CTNNA2: variants seen among roughly 807,000 people sequenced by gnomAD.
CTNNA2 encodes catenin alpha-2.
Under a neutral mutation model 101.0 loss-of-function variants are expected in CTNNA2, and 42 were observed. The observed-to-expected ratio is 0.42, with a 90% confidence interval of 0.32 to 0.54. The LOEUF (loss-of-function observed/expected upper bound fraction) is 0.54. CTNNA2 is among the 20% of genes least tolerant of loss of function. The pLI is 0.14. For synonymous variants in CTNNA2, 450 were observed against 456.4 expected, an observed-to-expected ratio of 0.99 and a Z score of 0.18; for missense variants, 871 against 1,223.1, an observed-to-expected ratio of 0.71 and a Z score of 4.29.
At chr2:80,557,049 G>A (rs1693104858) in intron 12 of CTNNA2, among the ~76,000 whole-genome samples, 1 of 152,188 alleles carries the variant, frequency 6.6e-6, no homozygotes. Context: ...GCCTGGAATA[G>A]CAAGTAAAAC....
At chr2:80,043,328 G>T (rs1280732867) in intron 7 of CTNNA2, among the ~76,000 whole-genome samples, 1 of 151,244 alleles carries the variant, frequency 6.6e-6, no homozygotes, top group Non-Finnish European at 1.5e-5. Flanking sequence ...CTCCTGAGTA[G>T]CTGGGACTAC....
Position 80,574,217 on chromosome 2 carries a change from A to G in CTNNA2, c.1796A>G (p.Asn599Ser). Residue 599 changes from asparagine to serine, a missense_variant, in exon 13 of 19, where the codon AAC (asparagine) becomes AGC (serine). Asn to Ser is a conservative substitution (Grantham distance 46). This residue lies in a region of CTNNA2 where 647 missense variants were observed against 831.5 expected (regional missense o/e 0.78). Transcript: ENST00000402739. ...VEVAIEALSANVPQPFEENEF... is the reference protein window; with the variant it reads ...VEVAIEALSASVPQPFEENEF... The stretch of plus-strand genomic sequence containing the variant: ...GTTGCCATTGAAGCCCTGAGTGCCA[A>G]CGTTCCTCAACCGTTTGAGGAGAAT... The G allele has an allele frequency of 4.3e-6, 7 of 1,613,764 alleles. No homozygotes were observed. The highest frequency in any genetic ancestry group is 5.9e-6 in the Non-Finnish European group (7 of 1,179,776).
At chr2:80,606,464 A>G (rs1037049575) in intron 16 of CTNNA2, among the ~76,000 whole-genome samples, 5 of 151,362 alleles carry the variant, frequency 3.3e-5, no homozygotes, top group African/African-American at 4.8e-5. Flanking sequence ...TTTAAATGCT[A>G]CTATTTCACA....
intron 15 of CTNNA2, 67 bp downstream of exon 15, chr2:80,589,552 G>C (rs906473440): frequency 6.9e-7 from 1 of 1,449,256 alleles, no homozygotes; most frequent in Admixed American, 2.2e-5. Context: ...GTGTGTATTA[G>C]CATGTGAAAG....
intron 2 of CTNNA2, among the ~76,000 whole-genome samples, chr2:79,255,586 G>T (rs1674834552): frequency 6.6e-6 from 1 of 152,134 alleles, no homozygotes; most frequent in Non-Finnish European, 1.5e-5. Context: ...GGTCGTGGAA[G>T]AATCAGGGGA....
At chr2:80,432,062 C>G in intron 9 of CTNNA2, among the ~76,000 whole-genome samples, 1 of 152,126 alleles carries the variant, frequency 6.6e-6, no homozygotes, top group East Asian at 1.9e-4. Context: ...AATATTACTT[C>G]AACATGAAAT....
intron 2 of CTNNA2, among the ~76,000 whole-genome samples, chr2:79,252,518 T>G (rs1394184646): frequency 6.6e-6 from 1 of 152,152 alleles, no homozygotes; most frequent in East Asian, 1.9e-4. Flanking sequence ...ATAACTTGAT[T>G]TAGGTATAAC....
intron 7 of CTNNA2, among the ~76,000 whole-genome samples, chr2:80,271,180 A>G (rs1044915940): frequency 6.6e-6 from 1 of 152,226 alleles, no homozygotes; most frequent in African/African-American, 2.4e-5. Context: ...TAATAGCAAT[A>G]AAGAGAGTCT....
At chr2:79,841,531 A>ATTT (rs1679813736) in intron 3 of CTNNA2, among the ~76,000 whole-genome samples, 1 of 152,232 alleles carries the variant, frequency 6.6e-6, no homozygotes, top group African/African-American at 2.4e-5. Flanking sequence ...TCATGGGATG[A>ATTT]AATATTAGTC....
rs141869725 is a variant in CTNNA2, at chr2:79,655,063, G to C, written c.102+3405G>C. On this transcript the variant is annotated intron_variant, in intron 2 of 18. Transcript: ENST00000402739. ...GTTGTGTTTTATAAAATATTGGTCT[G>C]TGAGATATTGGAATAATAAAAATGT... 3.4e-3 allele frequency among the ~76,000 whole-genome samples: 517 copies of C among 152,212 alleles called. 11 individuals carry two copies. The South Asian group carries it at 0.045, about 13-fold the overall frequency.
chr2:80,409,833 A>G (rs1022685847), intron 8 of CTNNA2, among the ~76,000 whole-genome samples: 4 of 152,180 alleles, frequency 2.6e-5, no homozygotes, highest in African/African-American at 9.7e-5. Context: ...GCATTTGTGT[A>G]GATTTTTCTT....
At chr2:79,358,599 G>T (rs921381108) in intron 3 of CTNNA2, among the ~76,000 whole-genome samples, 2 of 152,182 alleles carry the variant, frequency 1.3e-5, no homozygotes, top group African/African-American at 4.8e-5. Flanking sequence ...AACCTAAAAA[G>T]GAGGACATAC....
intron 3 of CTNNA2, among the ~76,000 whole-genome samples, chr2:79,786,970 G>A (rs1674893072): frequency 6.6e-6 from 1 of 151,760 alleles, no homozygotes; most frequent in Non-Finnish European, 1.5e-5. Context: ...CCCTGCCTTG[G>A]CATTATCTCC....
At chr2:79,463,884 A>C (rs1670904564) in intron 4 of CTNNA2, among the ~76,000 whole-genome samples, 1 of 152,166 alleles carries the variant, frequency 6.6e-6, no homozygotes. Context: ...TTCACTATAG[A>C]ATGGTAGAAA....
chr2:80,001,738 G>A (rs930465248), intron 7 of CTNNA2, among the ~76,000 whole-genome samples: 12 of 152,110 alleles, frequency 7.9e-5, no homozygotes, highest in African/African-American at 1.2e-4. Context: ...AAGAGGAGGC[G>A]GCCGGACACA....
intron 1 of CTNNA2, among the ~76,000 whole-genome samples, chr2:79,545,347 C>G (rs1673665702): frequency 6.6e-6 from 1 of 152,118 alleles, no homozygotes; most frequent in African/African-American, 2.4e-5. Flanking sequence ...GTAAGAGGAC[C>G]TAGGTTACAA....
At chr2:80,627,069 A>G (rs1035109926) in intron 18 of CTNNA2, among the ~76,000 whole-genome samples, 2 of 152,310 alleles carry the variant, frequency 1.3e-5, no homozygotes, top group Admixed American at 6.5e-5. Context: ...GCTGCATAGT[A>G]TTCCATGGTG....
At chr2:80,410,367 A>T (rs1679459440) in intron 8 of CTNNA2, among the ~76,000 whole-genome samples, 1 of 152,248 alleles carries the variant, frequency 6.6e-6, no homozygotes, top group Admixed American at 6.5e-5. Context: ...AAGAAAATGC[A>T]GTTATTTACA....
At chr2:80,617,979 CA>C (rs1698993426) in intron 17 of CTNNA2, among the ~76,000 whole-genome samples, 1 of 151,530 alleles carries the variant, frequency 6.6e-6, no homozygotes. Flanking sequence ...TCATGTATTC[CA>C]CTAGTCAGAT....
Sources: gnomAD v4.1 joint callset for allele counts (sites outside exome capture counted in the v4.1 genomes callset) on GRCh38, gnomAD v4.1.1 for gene constraint, gnomAD v4.1.1 regional missense constraint, MANE v1.5 for transcripts, NCBI Gene and HGNC (gene_info 2026-07-23, HGNC 2026-07-21) for gene names.